Variants in MTHFD1 observed in about 807,000 individuals in gnomAD.
The protein encoded by MTHFD1 is methylenetetrahydrofolate dehydrogenase, cyclohydrolase and formyltetrahydrofolate synthetase 1, also known as C-1-tetrahydrofolate synthase, cytoplasmic.
Under a neutral mutation model 110.3 loss-of-function variants are expected in MTHFD1, and 44 were observed. The observed-to-expected ratio is 0.40, with a 90% CI of 0.31 to 0.51. The LOEUF (loss-of-function observed/expected upper bound fraction) is 0.51, where lower values mean the gene tolerates loss of function less well. Ranked by LOEUF, MTHFD1 falls within the 20% of genes least tolerant of loss-of-function variation. The pLI is 0.60. For missense variants in MTHFD1, 909 were observed against 1,173.1 expected (o/e 0.77, Z 3.29); for synonymous variants, 402 against 428.8 (o/e 0.94, Z 0.77).
intron 15 of MTHFD1, among the ~76,000 whole-genome samples, chr14:64,433,098 A>G (rs1161667297): frequency 6.6e-6 from 1 of 151,106 alleles, no homozygotes; most frequent in Non-Finnish European, 1.5e-5. Flanking sequence ...CTGTTTTTTA[A>G]TTTTTCAAAA....
Position 64,417,606 on chromosome 14 carries a change from T to G in MTHFD1, c.479-282T>G, listed in dbSNP as rs911994231. ...CTGTATGTCAGGGTTTCTTTTTTCT[T>G]TGAGTGTAGGTTTTCTTCCCACTCC... is the stretch of plus-strand genomic sequence containing the variant. On this transcript the variant is annotated intron_variant, in intron 6 of 27. Transcript: ENST00000652337. The surrounding 1 kb of genome is among the most constrained non-coding windows in gnomAD (Gnocchi z 4.4). Among the ~76,000 whole-genome samples, 3 of 152,226 alleles carry G rather than the reference T, an allele frequency of 2.0e-5. No homozygotes were observed. The highest frequency in any genetic ancestry group is 6.5e-5 in the Admixed American group (1 of 15,288).
At chr14:64,431,003 T>A (rs58868321) in intron 13 of MTHFD1, among the ~76,000 whole-genome samples, 9,383 of 152,102 alleles carry the variant, frequency 0.062, 503 homozygotes, top group African/African-American at 0.16. Context: ...AAACTGCAAG[T>A]TCTGTATTTG....
At chr14:64,405,359 A>G (rs2077928558) in intron 2 of MTHFD1, among the ~76,000 whole-genome samples, 3 of 152,166 alleles carry the variant, frequency 2.0e-5, no homozygotes, top group African/African-American at 7.2e-5. Context: ...ACACTGTTCT[A>G]CAGCTCGTCT....
At chr14:64,410,023 T>C (rs1020448866) in intron 2 of MTHFD1, among the ~76,000 whole-genome samples, 5 of 152,236 alleles carry the variant, frequency 3.3e-5, no homozygotes, top group Non-Finnish European at 1.5e-5. Context: ...TATGGTAGCA[T>C]GTATCAACCT....
chr14:64,418,064 G>GA (rs1469621641), intron 7 of MTHFD1, 40 bp downstream of exon 7: 2 of 1,613,278 alleles, frequency 1.2e-6, no homozygotes, highest in Non-Finnish European at 1.7e-6. Context: ...TTACGGTGGG[G>GA]AGGGTGGGTG....
At chr14:64,425,920 G>T in intron 10 of MTHFD1, 93 bp downstream of exon 10, 4 of 1,546,644 alleles carry the variant, frequency 2.6e-6, no homozygotes, top group Non-Finnish European at 3.6e-6. Flanking sequence ...CTCTGAAGGT[G>T]CCTTCAGTGG....
chr14:64,427,225 C>G, intron 11 of MTHFD1, 112 bp from the exon 12 acceptor site: 1 of 1,298,488 alleles, frequency 7.7e-7, no homozygotes, highest in Non-Finnish European at 1.1e-6. Context: ...CTGACTTTGT[C>G]TTTCTTAATC....
In MTHFD1 at chr14:64,411,726, C is replaced by G. The variant is rs538093711; in HGVS notation, c.186+577C>G. ...ACCAGCCTAAGAAACATGGAGAAAC[C>G]CCATCTCTACTAAAAATACAAAAAA... On this transcript the variant is annotated intron_variant, in intron 3 of 27. Coordinates refer to ENST00000652337, the MANE Select transcript of MTHFD1 (RefSeq NM_005956.4). 2.0e-5 allele frequency among the ~76,000 whole-genome samples: 3 copies of G among 152,188 alleles called. No individual in the cohort carries two copies. In the East Asian group the frequency reaches 5.8e-4, roughly 29 times the overall value.
In MTHFD1 at chr14:64,415,401, A is replaced by G. The variant is rs775425863; in HGVS notation, c.284A>G (p.His95Arg). The G allele has an allele frequency of 1.9e-6, 3 of 1,612,238 alleles. No individual in the cohort carries two copies. Among genetic ancestry groups the G allele is most frequent in the East Asian group, 4.5e-5 (2 of 44,870 alleles). ...TCTTTGAATGAAGACTCTACTGTAC[A>G]TGGGTTCTTAGTGCAGCTACCTTTA... Reference protein sequence around the residue: ...ITSLNEDSTVHGFLVQLPLDS... With the variant: ...ITSLNEDSTVRGFLVQLPLDS... Residue 95 changes from histidine to arginine, a missense_variant, in exon 5 of 28, where the codon CAT (histidine) becomes CGT (arginine). Transcript: ENST00000652337.
At chr14:64,411,186 C>T in intron 3 of MTHFD1, 37 bp downstream of exon 3, 1 of 1,550,626 alleles carries the variant, frequency 6.4e-7, no homozygotes, top group Non-Finnish European at 8.9e-7. Context: ...CCCTCCCCAA[C>T]CTCCACCTGG....
intron 12 of MTHFD1, 142 bp downstream of exon 12, chr14:64,427,615 C>T (rs901782780): frequency 1.0e-5 from 9 of 885,886 alleles, no homozygotes; most frequent in Non-Finnish European, 1.7e-5. Context: ...CCTCTGTAGT[C>T]ATGCTTTTGA....
At chr14:64,454,981 G>A (rs751127166) in intron 26 of MTHFD1, 106 bp downstream of exon 26, 5 of 1,180,004 alleles carry the variant, frequency 4.2e-6, no homozygotes, top group Middle Eastern at 1.9e-4. Context: ...TCACTGCCCA[G>A]AAGAAAATTG....
intron 18 of MTHFD1, chr14:64,440,548 A>G (rs1193246505): frequency 3.6e-5 from 16 of 449,916 alleles, no homozygotes; most frequent in East Asian, 3.5e-4. Context: ...TATGACTTCA[A>G]TTTGCAGAGA....
At chr14:64,448,553 A>G (rs2078315892) in intron 23 of MTHFD1, 1 of 541,388 alleles carries the variant, frequency 1.8e-6, no homozygotes, top group African/African-American at 1.9e-5. Flanking sequence ...CACTGGGGGA[A>G]GTAACACACA....
chr14:64,448,135 G>A (rs577159642), intron 22 of MTHFD1, 82 bp from the exon 23 acceptor site: 1 of 961,834 alleles, frequency 1.0e-6, no homozygotes, highest in African/African-American at 1.6e-5. Flanking sequence ...GCTGGCTCAA[G>A]GAGGTTGTTT....
chr14:64,397,625 GCTT>G (rs1472193969), intron 1 of MTHFD1, among the ~76,000 whole-genome samples: 1 of 152,140 alleles, frequency 6.6e-6, no homozygotes, highest in African/African-American at 2.4e-5. Flanking sequence ...GAATGTTTTT[GCTT>G]CTTCTCTGAT....
chr14:64,411,202 A>G (rs2077980862), intron 3 of MTHFD1, 53 bp downstream of exon 3: 23 of 1,395,488 alleles, frequency 1.6e-5, no homozygotes, highest in Non-Finnish European at 2.2e-5. Context: ...CCTGGGTCCT[A>G]TCGATTACCC....
chr14:64,418,011 A>C lies in MTHFD1; in HGVS notation c.602A>C (p.His201Pro). Residue 201 changes from histidine (H) to proline (P), a missense_variant, in exon 7 of 28, where the codon CAT becomes CCT. Physicochemically the swap from His to Pro is moderately conservative, Grantham distance 77. This residue lies in a region of MTHFD1 where 424 missense variants were observed against 510.4 expected (regional missense o/e 0.83). Transcript: ENST00000652337. ...TVTTCHSKTA[H>P]LDEEVNKGDI... ...ACCACCTGCCACTCCAAGACTGCCC[A>C]TCTGGATGAGGAGGTAGGGTGTCCA... is the stretch of plus-strand genomic sequence containing the variant. The C allele has an allele frequency of 6.2e-7, 1 of 1,614,172 alleles. No homozygotes were observed. Among genetic ancestry groups the C allele is most frequent in the Non-Finnish European group, 8.5e-7 (1 of 1,180,026 alleles).
intron 13 of MTHFD1, 47 bp downstream of exon 13, chr14:64,430,277 CG>C (rs60870392): frequency 0.03 from 47,026 of 1,553,570 alleles, 1,421 homozygotes; most frequent in African/African-American, 0.16. Flanking sequence ...CTTTTTTTGT[CG>C]GGGGGGAGGG....
Sources: allele counts gnomAD v4.1 joint callset (sites outside exome capture counted in the v4.1 genomes callset), GRCh38; gene constraint gnomAD v4.1.1; regional missense constraint gnomAD v4.1.1; non-coding constraint Gnocchi (gnomAD v3.1); transcripts MANE v1.5; gene names NCBI Gene and HGNC (gene_info 2026-07-23, HGNC 2026-07-21).